MRPL47: variants seen among roughly 807,000 people sequenced by gnomAD.
The protein encoded by MRPL47 is large ribosomal subunit protein uL29m.
MRPL47 carries 31 observed loss-of-function variants against 34.0 expected under a neutral mutation model. That is an observed-to-expected ratio of 0.91 (90% confidence interval 0.68 to 1.23). The LOEUF (loss-of-function observed/expected upper bound fraction) is 1.23. Among genes scored for constraint, MRPL47 ranks in the 50% most tolerant of loss-of-function variants. MRPL47 has a pLI of 0.00. For missense variants in MRPL47, 328 were observed against 285.8 expected, an observed-to-expected ratio of 1.15 and a Z score of -1.07; for synonymous variants, 106 against 101.6, an observed-to-expected ratio of 1.04 and a Z score of -0.26.
At chr3:179,598,634 G>T in intron 4 of MRPL47, 41 bp downstream of exon 4, 1 of 1,207,612 alleles carries the variant, frequency 8.3e-7, no homozygotes, top group Non-Finnish European at 1.2e-6. Context: ...CCTTTTAGCT[G>T]TAATCATGTA....
chr3:179,603,584 G>A (rs760036324), intron 1 of MRPL47, among the ~76,000 whole-genome samples: 4 of 152,066 alleles, frequency 2.6e-5, no homozygotes, highest in Non-Finnish European at 5.9e-5. Context: ...ACATGTATCA[G>A]GAGCCTCAAA....
intron 6 of MRPL47, 69 bp downstream of exon 6, chr3:179,592,562 CTTTATGTCATCTG>C (rs1018391803): frequency 1.5e-5 from 12 of 815,894 alleles, no homozygotes; most frequent in Non-Finnish European, 2.4e-5. Context: ...CTTAAGCTTT[CTTTATGTCATCTG>C]GTATGATATA....
chr3:179,602,975 T>A (rs77493625), intron 1 of MRPL47, among the ~76,000 whole-genome samples, 178 bp from the exon 2 acceptor site: 1 of 152,136 alleles, frequency 6.6e-6, no homozygotes, highest in African/African-American at 2.4e-5. Flanking sequence ...TCTCACTATG[T>A]TGTCCAGGCT....
chr3:179,593,264 T>C (rs1208730902), intron 5 of MRPL47, among the ~76,000 whole-genome samples: 5 of 152,214 alleles, frequency 3.3e-5, no homozygotes. Flanking sequence ...CTTCATAATT[T>C]GCCCTAGGGC....
Position 179,601,807 on chromosome 3 carries a change from T to A in MRPL47, c.245-17A>T, listed in dbSNP as rs563654036. ...ATGCTGCTCCTATTAAAATAATACA[T>A]AACATGAAATAACATTTCTAGCCAT... On this transcript the variant is annotated splice_polypyrimidine_tract_variant and intron_variant, in intron 2 of 6. Transcript: ENST00000476781. The A allele has an allele frequency of 1.1e-5, 17 of 1,565,236 alleles. No individual in the cohort carries two copies. In the East Asian group the frequency reaches 3.6e-4, roughly 33 times the overall value.
At chr3:179,593,680 A>T (rs1158503728) in intron 5 of MRPL47, 85 bp downstream of exon 5, 8 of 1,306,906 alleles carry the variant, frequency 6.1e-6, no homozygotes, top group East Asian at 2.5e-5. Flanking sequence ...TATGGTACAA[A>T]TTTTTTTTTA....
At chr3:179,597,357 G>A (rs1203623786) in intron 4 of MRPL47, among the ~76,000 whole-genome samples, 1 of 152,072 alleles carries the variant, frequency 6.6e-6, no homozygotes, top group Non-Finnish European at 1.5e-5. Flanking sequence ...GGCTGCGACT[G>A]GTGTGAGGAA....
At chr3:179,589,923 TAAG>T (rs1474924781) in intron 6 of MRPL47, among the ~76,000 whole-genome samples, 3 of 152,122 alleles carry the variant, frequency 2.0e-5, no homozygotes, top group African/African-American at 7.2e-5. Flanking sequence ...TTCTTAATAT[TAAG>T]ATGATGATGC....
chr3:179,590,254 G>A (rs1350970567), intron 6 of MRPL47, among the ~76,000 whole-genome samples: 2 of 151,710 alleles, frequency 1.3e-5, no homozygotes, highest in African/African-American at 4.8e-5. Flanking sequence ...CAGGAGAATC[G>A]CTAGAACCCG....
intron 3 of MRPL47, among the ~76,000 whole-genome samples, chr3:179,599,167 CAA>C (rs765240584): frequency 3.4e-4 from 40 of 116,154 alleles, no homozygotes; most frequent in Non-Finnish European, 3.7e-4. Flanking sequence ...GATCTTGCTT[CAA>C]AAAAAAAAAA....
intron 1 of MRPL47, among the ~76,000 whole-genome samples, chr3:179,603,910 ACAAT>A (rs1331404088): frequency 2.0e-5 from 3 of 152,114 alleles, no homozygotes; most frequent in African/African-American, 7.2e-5. Context: ...TAATGAGGAA[ACAAT>A]CAGACAAATC....
At chr3:179,598,429 C>CAA (rs1553779599) in intron 4 of MRPL47, among the ~76,000 whole-genome samples, 5,508 of 117,838 alleles carry the variant, frequency 0.047, 180 homozygotes, top group South Asian at 0.1. Context: ...CACACACAAA[C>CAA]AAAAAAAAAA....
At chr3:179,592,191 T>A (rs187477190) in intron 6 of MRPL47, among the ~76,000 whole-genome samples, 1 of 151,488 alleles carries the variant, frequency 6.6e-6, no homozygotes, top group African/African-American at 2.4e-5. Context: ...TTTTTACCTA[T>A]TTTGTTTGTT....
intron 3 of MRPL47, 36 bp downstream of exon 3, chr3:179,601,694 C>T (rs766182201): frequency 1.5e-6 from 2 of 1,327,918 alleles, no homozygotes. Flanking sequence ...ATAACGGCTT[C>T]AAACGTCTAG....
rs1323415277 is a variant in MRPL47, at chr3:179,588,733, C to T, written c.*139G>A. On this transcript the variant is annotated 3_prime_UTR_variant, in exon 7 of 7. Coordinates refer to ENST00000476781, the MANE Select transcript of MRPL47 (RefSeq NM_020409.3). Reference sequence around the variant, plus strand: ...CTACCAAATTAGCTAATTAGCATGCCATATTCACACTTAGAACAACTGATT... The same window carrying T: ...CTACCAAATTAGCTAATTAGCATGCTATATTCACACTTAGAACAACTGATT... 4.0e-6 allele frequency: 3 copies of T among 749,970 alleles called. No individual in the cohort carries two copies. The highest frequency in any genetic ancestry group is 4.1e-6 in the Non-Finnish European group (2 of 482,756). The allele number at this position is 749,970 out of a possible 1,614,324, so 46.5% of individuals were successfully genotyped here.
chr3:179,602,688 C>T lies in MRPL47; in HGVS notation c.208G>A (p.Asp70Asn), dbSNP rs1312703939. The change falls in exon 2 of 7, where the codon GAC (aspartate) becomes AAC (asparagine). Residue 70 changes from aspartate (D) to asparagine (N), a missense_variant. Asp to Asn is a conservative substitution (Grantham distance 23, BLOSUM62 1). Transcript: ENST00000476781. The part of the protein sequence containing the change: ...SRKGLEEFFD[D>N]PKNWGQEKVK... ...TTTTCTTGCCCCCAGTTTTTTGGGT[C>T]ATCAAAAAATTCTTCTAGTCCTTTC... 10 of 1,609,226 alleles carry T rather than the reference C, an allele frequency of 6.2e-6. No homozygotes were observed. Among genetic ancestry groups the T allele is most frequent in the Non-Finnish European group, 5.9e-6 (7 of 1,178,224 alleles).
intron 4 of MRPL47, among the ~76,000 whole-genome samples, chr3:179,594,196 T>G (rs1718740700): frequency 6.6e-6 from 1 of 152,236 alleles, no homozygotes; most frequent in South Asian, 2.1e-4. Context: ...TGATTCATGT[T>G]ATTTCAAAAC....
intron 6 of MRPL47, among the ~76,000 whole-genome samples, chr3:179,591,077 T>C (rs988422195): frequency 6.6e-6 from 1 of 152,200 alleles, no homozygotes; most frequent in Non-Finnish European, 1.5e-5. Flanking sequence ...TTTTAAAAAT[T>C]TGTTTTGGTA....
At chr3:179,593,080 G>A (rs1200297555) in intron 5 of MRPL47, among the ~76,000 whole-genome samples, 2 of 151,986 alleles carry the variant, frequency 1.3e-5, no homozygotes, top group South Asian at 2.1e-4. Context: ...CTGAGGGGAG[G>A]TTTATTTACC....
Sources: allele counts gnomAD v4.1 joint callset (sites outside exome capture counted in the v4.1 genomes callset), GRCh38; gene constraint gnomAD v4.1.1; transcripts MANE v1.5; gene names NCBI Gene and HGNC (gene_info 2026-07-23, HGNC 2026-07-21).